Variants in ME3 observed in about 807,000 individuals in gnomAD.
ME3 encodes the protein malic enzyme 3.
A neutral mutation model predicts 68.9 loss-of-function variants in ME3; 48 were observed. The observed-to-expected ratio is 0.70, with a 90% CI of 0.55 to 0.89. The LOEUF (loss-of-function observed/expected upper bound fraction) is 0.89. Among genes scored for constraint, ME3 ranks in the 40% least tolerant of loss-of-function variants. ME3 has a pLI of 0.00. For missense variants in ME3, 675 were observed against 797.4 expected (o/e 0.85, Z 1.85); for synonymous variants, 320 against 318.8 (o/e 1.00, Z -0.04).
chr11:86,598,036 T>C (rs893532197), intron 2 of ME3, among the ~76,000 whole-genome samples: 2 of 152,064 alleles, frequency 1.3e-5, no homozygotes, highest in African/African-American at 2.4e-5. Flanking sequence ...AGATGGGTGA[T>C]TTCTGCATTT....
chr11:86,559,145 T>C (rs758006867), intron 3 of ME3, among the ~76,000 whole-genome samples: 2 of 152,180 alleles, frequency 1.3e-5, no homozygotes, highest in African/African-American at 4.8e-5. Context: ...TGGATCCCCA[T>C]TGGAGGAGAA....
At chr11:86,467,342 G>C (rs1950531392) in intron 7 of ME3, among the ~76,000 whole-genome samples, 2 of 152,082 alleles carry the variant, frequency 1.3e-5, no homozygotes, top group Non-Finnish European at 2.9e-5. Flanking sequence ...GGTTTGGTGG[G>C]GGGCTCACTG....
chr11:86,657,517 G>A (rs1253680545), intron 2 of ME3, among the ~76,000 whole-genome samples: 5 of 152,100 alleles, frequency 3.3e-5, no homozygotes, highest in African/African-American at 4.8e-5. Context: ...AATAGCTAAT[G>A]TAAATGATGG....
At chr11:86,600,009 G>A (rs531050297) in intron 2 of ME3, among the ~76,000 whole-genome samples, 1 of 152,114 alleles carries the variant, frequency 6.6e-6, no homozygotes, top group Non-Finnish European at 1.5e-5. Flanking sequence ...AAAATGTAAA[G>A]ACTATCAAGA....
At chr11:86,500,359 C>T (rs1394587327) in intron 5 of ME3, among the ~76,000 whole-genome samples, 2 of 152,262 alleles carry the variant, frequency 1.3e-5, no homozygotes, top group Non-Finnish European at 1.5e-5. Context: ...CCTGGACATG[C>T]CCCAGGGCAC....
chr11:86,558,353 C>A (rs1368797830), intron 3 of ME3, among the ~76,000 whole-genome samples: 1 of 152,102 alleles, frequency 6.6e-6, no homozygotes, highest in African/African-American at 2.4e-5. Flanking sequence ...CTTAGCTAGA[C>A]CCAATCAGAG....
At chr11:86,670,973 G>C (rs1021807717) in intron 2 of ME3, among the ~76,000 whole-genome samples, 1 of 152,138 alleles carries the variant, frequency 6.6e-6, no homozygotes, top group Non-Finnish European at 1.5e-5. Context: ...GGGGAGACAG[G>C]ACTAAATCTG....
At chr11:86,604,586 G>A (rs1446471792) in intron 2 of ME3, among the ~76,000 whole-genome samples, 2 of 152,134 alleles carry the variant, frequency 1.3e-5, no homozygotes, top group East Asian at 3.8e-4. Flanking sequence ...ACATAAATAA[G>A]CATATAAAAT....
At chr11:86,669,050 C>G (rs922221438) in intron 2 of ME3, among the ~76,000 whole-genome samples, 1 of 152,230 alleles carries the variant, frequency 6.6e-6, no homozygotes, top group Non-Finnish European at 1.5e-5. Context: ...TCCCACCTGG[C>G]TGATGCAAAG....
chr11:86,522,876 A>G (rs1302938390), intron 4 of ME3, among the ~76,000 whole-genome samples: 1 of 152,228 alleles, frequency 6.6e-6, no homozygotes, highest in African/African-American at 2.4e-5. Flanking sequence ...GATGATTTAA[A>G]GTATATTGTA....
At chr11:86,529,058 G>A (rs1954998114) in intron 4 of ME3, among the ~76,000 whole-genome samples, 2 of 152,120 alleles carry the variant, frequency 1.3e-5, no homozygotes, top group African/African-American at 4.8e-5. Context: ...AAAAATCAAT[G>A]AATCCAAGAG....
downstream of ME3, among the ~76,000 whole-genome samples, chr11:86,440,644 C>T (rs532618306): frequency 3.3e-5 from 5 of 152,274 alleles, no homozygotes; most frequent in East Asian, 9.6e-4. Context: ...GAATAGTTAG[C>T]GAGCTGCCGT....
chr11:86,443,014 A>C, intron 13 of ME3, 95 bp from the exon 14 acceptor site: 1 of 924,766 alleles, frequency 1.1e-6, no homozygotes, highest in Non-Finnish European at 1.7e-6. Flanking sequence ...CCCACCCTGC[A>C]TAGTTGGTCA....
At position 86,658,496 on chromosome 11, in the gene ME3, T is replaced by TAA. The variant is rs200220908; in HGVS notation, c.183+13265_183+13266insTT. 8.7e-3 allele frequency among the ~76,000 whole-genome samples: 1,327 copies of TAA among 152,124 alleles called. 25 individuals are homozygous for TAA. The highest frequency in any genetic ancestry group is 0.03 in the African/African-American group (1,240 of 41,482). On this transcript the variant is annotated intron_variant, in intron 2 of 14. Transcript: ENST00000543262. ...AGTAACTGGCACAGTAGGCATTATA[T>TAA]GTGATTGTTATTATTTTTAATGTGA...
intron 8 of ME3, among the ~76,000 whole-genome samples, chr11:86,456,358 G>A (rs1274546848): frequency 6.6e-6 from 1 of 152,152 alleles, no homozygotes; most frequent in Non-Finnish European, 1.5e-5. Context: ...CTTTTTGGGT[G>A]TCAACCGTCT....
At position 86,653,742 on chromosome 11, in the gene ME3, G is replaced by A. The variant is rs958687600; in HGVS notation, c.183+18020C>T. ...CTAGCAGAAGGCAAGAAATAACTAA[G>A]ATCAGAGCTGAACTGAAGGAGAGAG... On this transcript the variant is annotated intron_variant, in intron 2 of 14. Coordinates refer to ENST00000543262, the Ensembl canonical transcript of ME3. 3.9e-5 allele frequency among the ~76,000 whole-genome samples: 6 copies of A among 152,190 alleles called. No homozygotes were observed. The East Asian group carries it at 1.2e-3, about 29-fold the overall frequency.
At chr11:86,617,443 T>A (rs1349272517) in intron 2 of ME3, among the ~76,000 whole-genome samples, 1 of 152,190 alleles carries the variant, frequency 6.6e-6, no homozygotes, top group African/African-American at 2.4e-5. Flanking sequence ...AAATGATAAC[T>A]GATGTGGGCT....
chr11:86,637,964 G>GCACACACACACACACACA (rs1479767533), intron 2 of ME3, among the ~76,000 whole-genome samples: 2 of 70,686 alleles, frequency 2.8e-5, no homozygotes, highest in African/African-American at 1.3e-4. Context: ...ACATGCTCAT[G>GCACACACACACACACACA]CATACACACA....
At chr11:86,653,337 A>T (rs1007532414) in intron 2 of ME3, among the ~76,000 whole-genome samples, 9 of 152,340 alleles carry the variant, frequency 5.9e-5, no homozygotes, top group Non-Finnish European at 8.8e-5. Context: ...TTGACCACAT[A>T]GTTGGAAGTA....
Sources: allele counts gnomAD v4.1 joint callset (sites outside exome capture counted in the v4.1 genomes callset), GRCh38; gene constraint gnomAD v4.1.1; transcripts MANE v1.5; gene names NCBI Gene and HGNC (gene_info 2026-07-23, HGNC 2026-07-21).